The following COL24A1 variants were observed in gnomAD, a reference collection of about 807,000 sequenced individuals.
The protein encoded by COL24A1 is collagen type XXIV alpha 1 chain.
Under a neutral mutation model 253.9 loss-of-function variants are expected in COL24A1, and 224 were observed. The observed-to-expected ratio is 0.88, with a 90% confidence interval of 0.79 to 0.99. COL24A1 has a LOEUF of 0.99. Ranked by LOEUF, COL24A1 falls within the 50% of genes least tolerant of loss-of-function variation. The pLI is 0.00. For synonymous variants in COL24A1, 685 were observed against 673.7 expected (o/e 1.02, Z -0.26); for missense variants, 2,131 against 2,068.5 (o/e 1.03, Z -0.59).
intron 47 of COL24A1, among the ~76,000 whole-genome samples, chr1:85,808,393 T>C (rs113220283): frequency 0.016 from 2,506 of 152,286 alleles, 65 homozygotes; most frequent in African/African-American, 0.057. Context: ...ATGGTATCTT[T>C]ACTAAACAAT....
intron 24 of COL24A1, among the ~76,000 whole-genome samples, chr1:85,947,895 G>A (rs1219373664): frequency 1.3e-5 from 2 of 152,176 alleles, no homozygotes; most frequent in Non-Finnish European, 2.9e-5. Context: ...AGCCATGCAT[G>A]TATGCTATAA....
chr1:85,913,584 TCCGGCCA>T (rs1685581703), intron 24 of COL24A1, among the ~76,000 whole-genome samples: 1 of 152,172 alleles, frequency 6.6e-6, no homozygotes, highest in Non-Finnish European at 1.5e-5. Context: ...AAGACTGCCA[TCCGGCCA>T]CTTTGGGCTT....
At chr1:85,906,879 T>C (rs191349824) in intron 28 of COL24A1, among the ~76,000 whole-genome samples, 2 of 151,994 alleles carry the variant, frequency 1.3e-5, no homozygotes, top group Non-Finnish European at 2.9e-5. Context: ...GAGAAATAAT[T>C]CATTTAAAGA....
intron 22 of COL24A1, among the ~76,000 whole-genome samples, chr1:85,967,767 G>A (rs1691711841): frequency 1.3e-5 from 2 of 152,096 alleles, no homozygotes; most frequent in African/African-American, 4.8e-5. Flanking sequence ...TTCACAATAG[G>A]GTTTGCGCTC....
chr1:85,858,621 C>CTTCCTTCCTTCCT (rs1553201492), intron 37 of COL24A1, among the ~76,000 whole-genome samples: 11 of 113,270 alleles, frequency 9.7e-5, no homozygotes, highest in Admixed American at 1.8e-4. Context: ...TATTTTCTCC[C>CTTCCTTCCTTCCT]TCCTTCCTTC....
intron 5 of COL24A1, 49 bp downstream of exon 5, chr1:86,112,518 A>G: frequency 4.0e-6 from 6 of 1,511,864 alleles, no homozygotes; most frequent in Non-Finnish European, 2.7e-6. Flanking sequence ...ATATCAGGAA[A>G]ATCAGGTGAT....
At chr1:85,819,661 T>C (rs1015819795) in intron 45 of COL24A1, among the ~76,000 whole-genome samples, 1 of 152,008 alleles carries the variant, frequency 6.6e-6, no homozygotes, top group African/African-American at 2.4e-5. Flanking sequence ...ATTTATGCTA[T>C]AAAGAACAGA....
At chr1:85,770,132 T>A (rs1667794220) in intron 53 of COL24A1, among the ~76,000 whole-genome samples, 1 of 152,208 alleles carries the variant, frequency 6.6e-6, no homozygotes, top group Admixed American at 6.5e-5. Flanking sequence ...TCTTGCTTCC[T>A]GTTACAATAA....
At chr1:85,788,375 G>C (rs979751058) in intron 47 of COL24A1, among the ~76,000 whole-genome samples, 2 of 152,148 alleles carry the variant, frequency 1.3e-5, no homozygotes, top group African/African-American at 2.4e-5. Context: ...ATAGGCGTGA[G>C]CCACCGCGCC....
At chr1:86,063,661 T>C in intron 8 of COL24A1, 54 bp downstream of exon 8, 1 of 1,315,724 alleles carries the variant, frequency 7.6e-7, no homozygotes, top group South Asian at 1.6e-5. Context: ...AAAGGAGTTC[T>C]CTAACATGTG....
chr1:85,914,996 T>G (rs1685757719), intron 24 of COL24A1, among the ~76,000 whole-genome samples: 1 of 152,208 alleles, frequency 6.6e-6, no homozygotes, highest in Non-Finnish European at 1.5e-5. Flanking sequence ...TAATTTTATG[T>G]GTCAAGGTCA....
intron 2 of COL24A1, among the ~76,000 whole-genome samples, chr1:86,140,094 G>A (rs933421707): frequency 5.9e-5 from 9 of 152,172 alleles, no homozygotes; most frequent in Non-Finnish European, 1.2e-4. Context: ...CAAAGTTATT[G>A]TATCCTTATG....
intron 43 of COL24A1, among the ~76,000 whole-genome samples, chr1:85,832,083 CA>C (rs1675364627): frequency 6.6e-6 from 1 of 151,772 alleles, no homozygotes; most frequent in Admixed American, 6.6e-5. Flanking sequence ...GTCTTTAATC[CA>C]TCTTGAATTA....
intron 20 of COL24A1, 129 bp downstream of exon 20, chr1:85,987,472 A>C (rs557849754): frequency 1.3e-6 from 1 of 799,724 alleles, no homozygotes; most frequent in South Asian, 1.7e-5. Flanking sequence ...AGTTTATTAA[A>C]TGTACCTGAG....
At chr1:85,795,707 A>T (rs912392379) in intron 47 of COL24A1, among the ~76,000 whole-genome samples, 1 of 152,138 alleles carries the variant, frequency 6.6e-6, no homozygotes. Flanking sequence ...TTATATAGTT[A>T]TTAACTATGT....
At chr1:85,796,028 T>C (rs1053673312) in intron 47 of COL24A1, among the ~76,000 whole-genome samples, 2 of 152,176 alleles carry the variant, frequency 1.3e-5, no homozygotes, top group East Asian at 1.9e-4. Flanking sequence ...TAATGTAGCA[T>C]TCATAATATT....
At chr1:85,759,354 T>C (rs1666606541) in intron 55 of COL24A1, among the ~76,000 whole-genome samples, 1 of 152,118 alleles carries the variant, frequency 6.6e-6, no homozygotes, top group South Asian at 2.1e-4. Context: ...TAAATGAGTA[T>C]GAACAAAGAA....
At chr1:86,099,482 T>A (rs913896457) in intron 5 of COL24A1, among the ~76,000 whole-genome samples, 1 of 152,174 alleles carries the variant, frequency 6.6e-6, no homozygotes, top group African/African-American at 2.4e-5. Context: ...AAGTTGTTAT[T>A]TCCTACCAGG....
chr1:86,125,470 C>A lies in COL24A1; in HGVS notation c.866G>T (p.Ser289Ile). ...LSEDTFTEGKSIPNIIKNDSE... is the reference protein window; with the variant it reads ...LSEDTFTEGKIIPNIIKNDSE... The stretch of plus-strand genomic sequence containing the variant: ...ATCATTTTTTATGATATTTGGAATG[C>A]TTTTGCCTTCAGTAAATGTATCCTC... Residue 289 changes from serine (S) to isoleucine (I), a missense_variant, in exon 3 of 60, where the codon AGC becomes ATC. Transcript: ENST00000370571. 5 of 1,613,526 alleles carry A rather than the reference C, an allele frequency of 3.1e-6. No individual in the cohort carries two copies. The highest frequency in any genetic ancestry group is 4.2e-6 in the Non-Finnish European group (5 of 1,179,744).
Sources: allele counts gnomAD v4.1 joint callset (sites outside exome capture counted in the v4.1 genomes callset), GRCh38; gene constraint gnomAD v4.1.1; transcripts MANE v1.5; gene names NCBI Gene and HGNC (gene_info 2026-07-23, HGNC 2026-07-21).